The following TRMT11 variants were observed in gnomAD, a reference collection of about 807,000 sequenced individuals.
TRMT11 encodes the protein tRNA (guanine(10)-N(2))-methyltransferase TRMT11.
TRMT11 carries 53 observed loss-of-function variants against 62.8 expected under a neutral mutation model. That is an observed-to-expected ratio of 0.84 (90% CI 0.68 to 1.06). The LOEUF (loss-of-function observed/expected upper bound fraction) is 1.06, where lower values mean the gene tolerates loss of function less well. TRMT11 is among the 50% of genes least tolerant of loss of function. The probability of loss-of-function intolerance (pLI) is 0.00; values close to 1 mark genes in which losing one functional copy is unlikely to be tolerated. For synonymous variants in TRMT11, 188 were observed against 190.3 expected (o/e 0.99, Z 0.10); for missense variants, 556 against 553.4 (o/e 1.00, Z -0.05).
chr6:126,012,065 A>G (rs1794294325), intron 9 of TRMT11, among the ~76,000 whole-genome samples: 3 of 152,194 alleles, frequency 2.0e-5, no homozygotes, highest in African/African-American at 7.2e-5. Context: ...AAAAAGTGGC[A>G]AAGTTCAGCC....
At chr6:126,079,588 A>G (rs1297312885) in intron 17 of TRMT11, among the ~76,000 whole-genome samples, 1 of 152,136 alleles carries the variant, frequency 6.6e-6, no homozygotes, top group East Asian at 1.9e-4. Flanking sequence ...GAGGAAGGCA[A>G]GGGCTGAAAA....
At chr6:126,247,513 TATAAATATATAA>T in the TRMT11 span, among the ~76,000 whole-genome samples, 110 of 144,922 alleles carry the variant, frequency 7.6e-4, no homozygotes, top group African/African-American at 2.5e-3. Context: ...TCTCTCTATA[TATAAATATATAA>T]ATAAATATAT....
the TRMT11 span, among the ~76,000 whole-genome samples, chr6:126,246,527 C>T: frequency 6.6e-6 from 1 of 152,036 alleles, no homozygotes; most frequent in African/African-American, 2.4e-5. Flanking sequence ...AATGGGTCCA[C>T]CTGCATAAAG....
intron 17 of TRMT11, among the ~76,000 whole-genome samples, chr6:126,065,959 T>G (rs1462366911): frequency 6.6e-6 from 1 of 152,188 alleles, no homozygotes; most frequent in Non-Finnish European, 1.5e-5. Flanking sequence ...AAACCGGAGC[T>G]CAAATGCTGC....
At position 125,998,327 on chromosome 6, in the gene TRMT11, T is replaced by A; in HGVS notation, c.387+12T>A. 6.5e-7 allele frequency: 1 copy of A among 1,549,002 alleles called. No individual in the cohort carries two copies. Among genetic ancestry groups the A allele is most frequent in the Admixed American group, 1.8e-5 (1 of 56,690 alleles). On this transcript the variant is annotated intron_variant, in intron 5 of 12. Transcript: ENST00000334379. ...TCAAGCGAATAGATGTAAGTAAATT[T>A]AGCAAAACAAAAAACCTACATGATG...
intron 8 of TRMT11, chr6:126,008,850 C>G (rs975422575): frequency 2.4e-5 from 9 of 373,598 alleles, no homozygotes; most frequent in Non-Finnish European, 4.7e-5. Flanking sequence ...CCATGTTGCT[C>G]AAGGGTCAAC....
At chr6:126,009,382 G>A (rs1019866559) in intron 8 of TRMT11, 3 of 151,956 alleles carry the variant, frequency 2.0e-5, no homozygotes, top group African/African-American at 7.2e-5. Context: ...ATAATGATGT[G>A]TGATTGGATG....
At chr6:126,069,523 A>G (rs566385124) in intron 17 of TRMT11, among the ~76,000 whole-genome samples, 1 of 152,218 alleles carries the variant, frequency 6.6e-6, no homozygotes, top group African/African-American at 2.4e-5. Flanking sequence ...ACAAAACAAC[A>G]AAACTCCAAC....
chr6:126,059,631 C>G (rs1370561652), intron 17 of TRMT11, among the ~76,000 whole-genome samples: 1 of 152,070 alleles, frequency 6.6e-6, no homozygotes, highest in East Asian at 1.9e-4. Flanking sequence ...ATTATTATAT[C>G]AATTTTGTAG....
At chr6:126,159,735 A>G (rs1468533749) in intron 21 of TRMT11, among the ~76,000 whole-genome samples, 1 of 152,012 alleles carries the variant, frequency 6.6e-6, no homozygotes, top group Non-Finnish European at 1.5e-5. Flanking sequence ...TCCCTCTGAA[A>G]CCTCTAGAGG....
chr6:126,104,143 A>C (rs59219934), intron 17 of TRMT11, among the ~76,000 whole-genome samples: 1 of 152,168 alleles, frequency 6.6e-6, no homozygotes, highest in Non-Finnish European at 1.5e-5. Flanking sequence ...GCTAAACAGC[A>C]GGTTTGGCTT....
intron 21 of TRMT11, among the ~76,000 whole-genome samples, chr6:126,161,444 G>T (rs892581832): frequency 1.3e-5 from 2 of 152,178 alleles, no homozygotes; most frequent in South Asian, 2.1e-4. Context: ...ATATTCCATG[G>T]TATATATGTG....
chr6:126,154,906 T>C (rs1451966234), intron 21 of TRMT11, among the ~76,000 whole-genome samples: 1 of 152,182 alleles, frequency 6.6e-6, no homozygotes, highest in African/African-American at 2.4e-5. Context: ...CTGATCAATG[T>C]TGATGGACTG....
the TRMT11 span, among the ~76,000 whole-genome samples, chr6:126,241,653 T>G: frequency 3.3e-5 from 5 of 152,182 alleles, no homozygotes; most frequent in Non-Finnish European, 7.4e-5. Context: ...TGCAAATCAA[T>G]AAACATAATC....
At chr6:126,215,648 CTT>C in the TRMT11 span, among the ~76,000 whole-genome samples, 1 of 151,758 alleles carries the variant, frequency 6.6e-6, no homozygotes, top group Non-Finnish European at 1.5e-5. Context: ...TTCAGGCACT[CTT>C]TGTCTTTTGA....
chr6:126,246,153 G>A, the TRMT11 span, among the ~76,000 whole-genome samples: 1 of 152,032 alleles, frequency 6.6e-6, no homozygotes, highest in African/African-American at 2.4e-5. Context: ...ATGTACACCT[G>A]TAGTCCCAGC....
intron 18 of TRMT11, among the ~76,000 whole-genome samples, chr6:126,114,511 G>C (rs1440628330): frequency 6.6e-6 from 1 of 152,082 alleles, no homozygotes; most frequent in Non-Finnish European, 1.5e-5. Context: ...ATTTTGGACT[G>C]TGAGCTCCTT....
chr6:126,223,957 A>G, the TRMT11 span, among the ~76,000 whole-genome samples: 1 of 152,264 alleles, frequency 6.6e-6, no homozygotes, highest in East Asian at 1.9e-4. Flanking sequence ...TGATTGTATT[A>G]TGAAATTCTT....
intron 7 of TRMT11, among the ~76,000 whole-genome samples, 194 bp downstream of exon 7, chr6:125,999,807 G>GAATT (rs1246291612): frequency 6.6e-5 from 10 of 152,136 alleles, no homozygotes; most frequent in African/African-American, 2.4e-4. Flanking sequence ...GATGCTGATA[G>GAATT]AATTGTATGG....
Sources: gnomAD v4.1 joint callset for allele counts (sites outside exome capture counted in the v4.1 genomes callset) on GRCh38, gnomAD v4.1.1 for gene constraint, MANE v1.5 for transcripts, NCBI Gene and HGNC (gene_info 2026-07-23, HGNC 2026-07-21) for gene names.